SCN9A: variants seen among roughly 807,000 people sequenced by gnomAD.
SCN9A encodes sodium voltage-gated channel alpha subunit 9, also known as sodium channel protein type 9 subunit alpha.
A neutral mutation model predicts 187.0 loss-of-function variants in SCN9A; 131 were observed. The ratio of observed to expected loss-of-function variants is 0.70; its 90% CI spans 0.61 to 0.81. The LOEUF is 0.81. Ranked by LOEUF, SCN9A falls within the 30% of genes least tolerant of loss-of-function variation. The probability of loss-of-function intolerance (pLI) is 0.00; values close to 1 mark genes in which losing one functional copy is unlikely to be tolerated. For missense variants in SCN9A, 2,252 were observed against 2,396.6 expected (o/e 0.94, Z 1.26); for synonymous variants, 809 against 808.6 (o/e 1.00, Z -0.01).
At chr2:166,255,118 GGAGAGAGAGAGAGAGAGA>G (rs35669204) in intron 17 of SCN9A, among the ~76,000 whole-genome samples, 1 of 147,558 alleles carries the variant, frequency 6.8e-6, no homozygotes, top group African/African-American at 2.5e-5. Context: ...AAGAGAGAGA[GGAGAGAGAGAGAGAGAGA>G]GAGAGAGACA....
In SCN9A at chr2:166,262,764, T is replaced by A. The variant is rs188838122; in HGVS notation, c.3351+9635A>T. Among the ~76,000 whole-genome samples the A allele has an allele frequency of 2.5e-3, 386 of 152,084 alleles. 2 individuals carry two copies. Among genetic ancestry groups the A allele is most frequent in the South Asian group, 5.4e-3 (26 of 4,826 alleles). ...ATATAGATGCATTATATTTACTTCC[T>A]AAGGAGGTCACAAAGACGAAAATTA... On this transcript the variant is annotated intron_variant, in intron 17 of 26. Coordinates refer to ENST00000642356, the MANE Select transcript of SCN9A (RefSeq NM_001365536.1).
intron 1 of SCN9A, among the ~76,000 whole-genome samples, chr2:166,346,183 C>T (rs1699896827): frequency 6.6e-6 from 1 of 152,122 alleles, no homozygotes; most frequent in Admixed American, 6.5e-5. Flanking sequence ...TACCACTATC[C>T]CCTTTCCCCT....
Position 166,204,529 on chromosome 2 carries a change from A to G in SCN9A, c.4399-65T>C, listed in dbSNP as rs1693705733. On this transcript the variant is annotated intron_variant, in intron 24 of 26. Coordinates refer to ENST00000642356, the MANE Select transcript of SCN9A (RefSeq NM_001365536.1). ...AATCATTGTCTACATCTTTCTATAG[A>G]TTACTAAAATAGGTTAAAATGTGTT... The G allele has an allele frequency of 5.2e-6, 5 of 959,446 alleles. No individual in the cohort carries two copies. The Admixed American group carries it at 1.0e-4, about 19-fold the overall frequency. The allele number at this position is 959,446 out of a possible 1,614,324, so 59.4% of individuals were successfully genotyped here.
Position 166,311,662 on chromosome 2 carries a change from G to C in SCN9A, c.95C>G (p.Ser32Ter). The change falls in exon 2 of 27, where the codon TCA (serine) becomes TGA (stop). Residue 32 changes from serine (S) to a stop codon, truncating the protein, a stop_gained. Transcript: ENST00000642356. LOFTEE classifies it high-confidence loss of function. ...TTTCTTTTCTTCTTTGGGTTCCTTT[G>C]ATTTTCTTTCAGCAATGCGTTGTTC... is the stretch of plus-strand genomic sequence containing the variant. ...LIEQRIAERKSKEPKEEKKDD... is the reference protein window; with the variant it reads ...LIEQRIAERK 1 of 1,613,250 alleles carries C rather than the reference G, an allele frequency of 6.2e-7. No individual in the cohort carries two copies.
intron 17 of SCN9A, among the ~76,000 whole-genome samples, chr2:166,252,980 T>A (rs1270309045): frequency 1.3e-5 from 2 of 151,946 alleles, no homozygotes; most frequent in Non-Finnish European, 2.9e-5. Flanking sequence ...TACAACTTTA[T>A]CTTTTTTAGA....
At chr2:166,353,618 G>T (rs1413105744) in intron 1 of SCN9A, among the ~76,000 whole-genome samples, 1 of 152,124 alleles carries the variant, frequency 6.6e-6, no homozygotes, top group Admixed American at 6.5e-5. Flanking sequence ...CTGATCACCT[G>T]ATTACTTGCT....
In SCN9A at chr2:166,238,323, T is replaced by TA. The variant is rs200577927; in HGVS notation, c.3628-57_3628-56insT. ...GCACAACTTAAGCTTCATGATTCAT[T>TA]TAAAAAAAACAGGAAAAATACAATT... On this transcript the variant is annotated intron_variant, in intron 19 of 26. Transcript: ENST00000642356. 5,149 of 1,188,852 alleles carry TA rather than the reference T, an allele frequency of 4.3e-3. 173 individuals are homozygous for TA. The African/African-American group carries it at 0.077, about 18-fold the overall frequency. The allele number at this position is 1,188,852 out of a possible 1,614,324, so 73.6% of individuals were successfully genotyped here.
At chr2:166,344,644 T>C (rs1574948249) in intron 1 of SCN9A, among the ~76,000 whole-genome samples, 1 of 152,182 alleles carries the variant, frequency 6.6e-6, no homozygotes, top group African/African-American at 2.4e-5. Context: ...TGCTATGATT[T>C]TTCTCCCCAC....
intron 17 of SCN9A, among the ~76,000 whole-genome samples, chr2:166,254,249 C>A (rs145603999): frequency 1.0e-3 from 153 of 151,544 alleles, no homozygotes; most frequent in African/African-American, 3.4e-3. Context: ...TATTTACAGA[C>A]AAATTATTAT....
chr2:166,208,483 G>T (rs1693923527), intron 24 of SCN9A, among the ~76,000 whole-genome samples: 2 of 152,092 alleles, frequency 1.3e-5, no homozygotes, highest in Admixed American at 1.3e-4. Flanking sequence ...GAGAGTTAAT[G>T]AAATGAGGTT....
In SCN9A at chr2:166,277,174, A is replaced by G. The variant is rs764185852; in HGVS notation, c.2683T>C (p.Cys895Arg). Reference sequence around the variant, plus strand: ...CAGTCATCATTGATCTTGCAGACACATTCTTTGTAGCTCTTACCAAAGAGC... The same window carrying G: ...CAGTCATCATTGATCTTGCAGACACGTTCTTTGTAGCTCTTACCAAAGAGC... The part of the protein sequence containing the change: ...MQLFGKSYKE[C>R]VCKINDDCTL... Residue 895 changes from cysteine to arginine, a missense_variant, in exon 16 of 27, where the codon TGT becomes CGT. Physicochemically the swap from Cys to Arg is radical, Grantham distance 180. This residue lies in a region of SCN9A where 119 missense variants were observed against 188.7 expected (regional missense o/e 0.63). Transcript: ENST00000642356. 1.9e-6 allele frequency: 3 copies of G among 1,614,050 alleles called. No individual in the cohort carries two copies. The East Asian group carries it at 6.7e-5, about 36-fold the overall frequency.
At chr2:166,332,617 T>A (rs1699531916) in intron 1 of SCN9A, among the ~76,000 whole-genome samples, 1 of 152,156 alleles carries the variant, frequency 6.6e-6, no homozygotes, top group Non-Finnish European at 1.5e-5. Flanking sequence ...ATTGTTCCTA[T>A]CATATTACTT....
At chr2:166,276,940 T>A (rs1697259757) in intron 16 of SCN9A, 43 bp downstream of exon 16, 1 of 1,523,694 alleles carries the variant, frequency 6.6e-7, no homozygotes, top group African/African-American at 1.4e-5. Flanking sequence ...CACAAAATAA[T>A]TTCCACAGAG....
chr2:166,304,381 T>C (rs1698682609), intron 5 of SCN9A, 52 bp from the exon 6 acceptor site: 2 of 1,476,280 alleles, frequency 1.4e-6, no homozygotes, highest in Non-Finnish European at 1.9e-6. Context: ...CTATGATACT[T>C]ACCTGAGCCT....
chr2:166,322,392 C>T (rs945910117), intron 1 of SCN9A, among the ~76,000 whole-genome samples: 2 of 152,212 alleles, frequency 1.3e-5, no homozygotes, highest in East Asian at 3.9e-4. Flanking sequence ...TTGGCCTTTC[C>T]CATTACAATT....
chr2:166,340,163 A>C (rs77151034), intron 1 of SCN9A, among the ~76,000 whole-genome samples: 1 of 152,178 alleles, frequency 6.6e-6, no homozygotes, highest in Non-Finnish European at 1.5e-5. Context: ...CAAATAACAC[A>C]TCTTGGGAAG....
At chr2:166,243,275 T>G (rs1381986958) in intron 18 of SCN9A, among the ~76,000 whole-genome samples, 1 of 152,114 alleles carries the variant, frequency 6.6e-6, no homozygotes, top group Non-Finnish European at 1.5e-5. Flanking sequence ...ATGGTTAGGT[T>G]TATTCATTCA....
At chr2:166,218,949 A>C (rs1694459060) in intron 24 of SCN9A, among the ~76,000 whole-genome samples, 1 of 152,210 alleles carries the variant, frequency 6.6e-6, no homozygotes, top group Admixed American at 6.5e-5. Context: ...CATGCAACAA[A>C]CAAGCATATG....
chr2:166,314,366 G>A (rs1699055785), intron 1 of SCN9A, among the ~76,000 whole-genome samples: 1 of 152,154 alleles, frequency 6.6e-6, no homozygotes, highest in African/African-American at 2.4e-5. Flanking sequence ...AAAGAATGTA[G>A]TGAAAAATAA....
Sources: gnomAD v4.1 joint callset for allele counts (sites outside exome capture counted in the v4.1 genomes callset) on GRCh38, gnomAD v4.1.1 for gene constraint, gnomAD v4.1.1 regional missense constraint, MANE v1.5 for transcripts, NCBI Gene and HGNC (gene_info 2026-07-23, HGNC 2026-07-21) for gene names.